Variants in CEP85L observed in about 807,000 individuals in gnomAD.
CEP85L encodes the protein centrosomal protein 85L.
A neutral mutation model predicts 100.3 loss-of-function variants in CEP85L; 60 were observed. The ratio of observed to expected loss-of-function variants is 0.60; its 90% CI spans 0.49 to 0.74. The LOEUF (loss-of-function observed/expected upper bound fraction) is 0.74, where lower values mean the gene tolerates loss of function less well. Ranked by LOEUF, CEP85L falls within the 30% of genes least tolerant of loss-of-function variation. CEP85L has a pLI of 0.00. For synonymous variants in CEP85L, 319 were observed against 322.7 expected (o/e 0.99, Z 0.12); for missense variants, 973 against 936.2 (o/e 1.04, Z -0.51).
intron 2 of CEP85L, among the ~76,000 whole-genome samples, chr6:118,600,347 G>GTC (rs1562297983): frequency 9.5e-5 from 13 of 137,088 alleles, no homozygotes; most frequent in African/African-American, 3.5e-4. Flanking sequence ...GTGTGTGTGT[G>GTC]TGTGTGTGTG....
At chr6:118,473,798 G>A (rs1328596243) in intron 10 of CEP85L, among the ~76,000 whole-genome samples, 2 of 152,120 alleles carry the variant, frequency 1.3e-5, no homozygotes, top group Non-Finnish European at 2.9e-5. Context: ...AGAATTTGCT[G>A]TCAAATGTGA....
chr6:118,587,834 C>A (rs979813800), intron 2 of CEP85L, among the ~76,000 whole-genome samples: 3 of 152,164 alleles, frequency 2.0e-5, no homozygotes, highest in East Asian at 1.9e-4. Context: ...TAAATGACTA[C>A]CCTAAATATG....
Position 118,632,533 on chromosome 6 carries a change from T to C in CEP85L, c.152A>G (p.Asn51Ser), listed in dbSNP as rs747521766. 1 of 1,613,348 alleles carries C rather than the reference T, an allele frequency of 6.2e-7. No homozygotes were observed. The highest frequency in any genetic ancestry group is 1.1e-5 in the South Asian group (1 of 90,778). Residue 51 changes from asparagine (N) to serine (S), a missense_variant, in exon 2 of 13, where the codon AAT becomes AGT. This residue lies in a region of CEP85L where 79 missense variants were observed against 73.3 expected (regional missense o/e 1.08). Coordinates refer to ENST00000368491, the MANE Select transcript of CEP85L (RefSeq NM_001042475.3). ...TATACTGTGTCTCCTGATATGGTTA[T>C]TTCGATGGTTAGATGGAACAGTTGT... ...QATTVPSNHR[N>S]NHIRRHSIAS...
intron 2 of CEP85L, among the ~76,000 whole-genome samples, chr6:118,575,019 A>G (rs531914276): frequency 1.3e-5 from 2 of 152,108 alleles, no homozygotes; most frequent in African/African-American, 4.8e-5. Context: ...AGGTGCAAGA[A>G]ATCTCTAGTA....
intron 2 of CEP85L, among the ~76,000 whole-genome samples, chr6:118,566,833 G>C (rs1241912135): frequency 2.0e-5 from 3 of 152,168 alleles, no homozygotes; most frequent in Non-Finnish European, 4.4e-5. Flanking sequence ...ATACCTAATA[G>C]AGTATATGGC....
At chr6:118,685,360 G>A (rs1167877769) in intron 1 of CEP85L, among the ~76,000 whole-genome samples, 3 of 151,924 alleles carry the variant, frequency 2.0e-5, no homozygotes, top group Admixed American at 6.6e-5. Flanking sequence ...TTATTTCTTG[G>A]ATTTCAGATA....
chr6:118,643,919 C>T (rs1312771753), intron 1 of CEP85L, among the ~76,000 whole-genome samples: 1 of 152,162 alleles, frequency 6.6e-6, no homozygotes, highest in Non-Finnish European at 1.5e-5. Flanking sequence ...TCCCAGAAAA[C>T]CCTTCAGTCC....
intron 1 of CEP85L, among the ~76,000 whole-genome samples, chr6:118,648,674 G>A (rs1448958498): frequency 1.3e-5 from 2 of 151,156 alleles, no homozygotes; most frequent in Non-Finnish European, 1.5e-5. Context: ...CCTGGGAGGC[G>A]GAGCTTGCAG....
rs776801980 is a variant in CEP85L at position 118,542,305 on chromosome 6, A to G, written c.1021-18385T>C. Among the ~76,000 whole-genome samples, 47 of 152,210 alleles carry G rather than the reference A, an allele frequency of 3.1e-4. 1 individual carries two copies. The highest frequency in any genetic ancestry group is 8.8e-5 in the Non-Finnish European group (6 of 68,016). ...TTTAGGGTTTTTTAGAGTTTTTAAA[A>G]GCTTAACATGCCTGAAGATAAGGAC... On this transcript the variant is annotated intron_variant, in intron 3 of 12. Coordinates refer to ENST00000368491, the MANE Select transcript of CEP85L (RefSeq NM_001042475.3).
chr6:118,598,194 T>C (rs1302065030), intron 2 of CEP85L, among the ~76,000 whole-genome samples: 1 of 152,242 alleles, frequency 6.6e-6, no homozygotes, highest in Non-Finnish European at 1.5e-5. Context: ...TTAATGTTTA[T>C]TAATGAGACC....
chr6:118,466,057 GAC>G (rs1201117361), intron 12 of CEP85L, among the ~76,000 whole-genome samples: 2 of 152,124 alleles, frequency 1.3e-5, no homozygotes, highest in African/African-American at 4.8e-5. Flanking sequence ...AAATGAGAGA[GAC>G]AGAGAGGGAG....
chr6:118,636,552 T>C (rs1342766977), intron 1 of CEP85L, among the ~76,000 whole-genome samples: 1 of 152,224 alleles, frequency 6.6e-6, no homozygotes, highest in Admixed American at 6.5e-5. Context: ...CAAACATTAC[T>C]TCCGTGAAGG....
chr6:118,570,997 GAATTA>G (rs1779854180), intron 2 of CEP85L, among the ~76,000 whole-genome samples: 2 of 151,578 alleles, frequency 1.3e-5, no homozygotes, highest in Admixed American at 6.6e-5. Flanking sequence ...ATTTATAAGA[GAATTA>G]AATATAAGAA....
intron 3 of CEP85L, among the ~76,000 whole-genome samples, chr6:118,537,173 T>C (rs1269466946): frequency 6.6e-6 from 1 of 152,172 alleles, no homozygotes; most frequent in Non-Finnish European, 1.5e-5. Context: ...ATAAGTAATC[T>C]AGAACATGTT....
At chr6:118,561,892 T>C (rs1779246616) in intron 3 of CEP85L, among the ~76,000 whole-genome samples, 1 of 152,164 alleles carries the variant, frequency 6.6e-6, no homozygotes, top group Non-Finnish European at 1.5e-5. Flanking sequence ...TGCTACTACA[T>C]AGCGATTATT....
chr6:118,605,655 C>T (rs889659767), intron 2 of CEP85L, among the ~76,000 whole-genome samples: 3 of 152,140 alleles, frequency 2.0e-5, no homozygotes, highest in African/African-American at 7.2e-5. Context: ...GGCACTTCCT[C>T]TGTTTTTCCC....
intron 3 of CEP85L, among the ~76,000 whole-genome samples, chr6:118,527,005 T>TC (rs1554213257): frequency 1.0e-5 from 1 of 97,364 alleles, no homozygotes; most frequent in Non-Finnish European, 2.4e-5. Context: ...ACTTTTTCTT[T>TC]TTTTTTTTTT....
chr6:118,524,376 G>A (rs915460922), intron 3 of CEP85L, among the ~76,000 whole-genome samples: 2 of 152,104 alleles, frequency 1.3e-5, no homozygotes, highest in Non-Finnish European at 2.9e-5. Context: ...CCCGGGAGGC[G>A]GAGCTTGCAG....
At position 118,462,461 on chromosome 6, in the gene CEP85L, C is replaced by G. The variant is rs1418442232; in HGVS notation, c.*2944G>C. On this transcript the variant is annotated 3_prime_UTR_variant, in exon 13 of 13. Coordinates refer to ENST00000368491, the MANE Select transcript of CEP85L (RefSeq NM_001042475.3). ...GGGTCTTTCATTGAGTCAACTGTTA[C>G]TTTATGCTTGCTGTAATGTGATTGA... 1 of 151,948 alleles carries G rather than the reference C, an allele frequency of 6.6e-6. No homozygotes were observed. Among genetic ancestry groups the G allele is most frequent in the Non-Finnish European group, 1.5e-5 (1 of 67,880 alleles). The allele number at this position is 151,948 out of a possible 1,614,324, so 9.4% of individuals were successfully genotyped here. A position where few individuals can be genotyped will look rare whatever the true frequency, so the allele number is the denominator to read the frequency against.
Sources: allele counts gnomAD v4.1 joint callset (sites outside exome capture counted in the v4.1 genomes callset), GRCh38; gene constraint gnomAD v4.1.1; regional missense constraint gnomAD v4.1.1; transcripts MANE v1.5; gene names NCBI Gene and HGNC (gene_info 2026-07-23, HGNC 2026-07-21).